PARP10: variants seen among roughly 807,000 people sequenced by gnomAD.
PARP10 encodes the protein poly(ADP-ribose) polymerase family member 10, also known as protein mono-ADP-ribosyltransferase PARP10.
Under a neutral mutation model 82.4 loss-of-function variants are expected in PARP10, and 56 were observed. The ratio of observed to expected loss-of-function variants is 0.68; its 90% CI spans 0.55 to 0.85. The LOEUF is 0.85. PARP10 is among the 40% of genes least tolerant of loss of function. PARP10 has a pLI of 0.00. For missense variants in PARP10, 1,227 were observed against 1,379.4 expected (o/e 0.89, Z 1.75); for synonymous variants, 576 against 601.1 (o/e 0.96, Z 0.61).
intron 1 of PARP10, among the ~76,000 whole-genome samples, chr8:143,998,041 A>G (rs1339183779): frequency 6.6e-6 from 1 of 151,962 alleles, no homozygotes; most frequent in Non-Finnish European, 1.5e-5. Flanking sequence ...GATCCTCCCA[A>G]CTTGGCCTCC....
At position 143,983,194 on chromosome 8, in the gene PARP10, A is replaced by G; in HGVS notation, c.2395T>C (p.Phe799Leu). ...GTAGGGCCTGAAGCTGCCAAGGGAAAGGCCAAACTCTGATCCCAGGGGCCA... is the reference window on the plus strand; with the variant it reads ...GTAGGGCCTGAAGCTGCCAAGGGAAGGGCCAAACTCTGATCCCAGGGGCCA... The part of the protein sequence containing the change: ...LAGPWDQSLA[F>L]PLAASGPTLA... The change falls in exon 8 of 11, where the codon TTT (phenylalanine) becomes CTT (leucine). Residue 799 changes from phenylalanine (F) to leucine (L), a missense_variant. Transcript: ENST00000313028. 3 of 1,613,704 alleles carry G rather than the reference A, an allele frequency of 1.9e-6. No individual in the cohort carries two copies. Among genetic ancestry groups the G allele is most frequent in the South Asian group, 1.1e-5 (1 of 91,072 alleles).
rs782191604 is a variant in PARP10 at position 143,984,934 on chromosome 8, A to G, written c.1068T>C (p.Ser356=). 2.1e-5 allele frequency: 34 copies of G among 1,613,838 alleles called. No homozygotes were observed. The highest frequency in any genetic ancestry group is 6.7e-5 in the Admixed American group (4 of 59,996). The change falls in exon 5 of 11, where the codon TCT becomes TCC. Residue 356 remains serine (S), a synonymous_variant. Transcript: ENST00000313028. The part of the protein sequence containing the change: ...AEQVSSMPMG[S]LEHEGLVSLR... ...GGCTTACCAGCCCCTCATGTTCCAG[A>G]GACCCCATGGGCATCGAGCTGACTT...
upstream of PARP10, among the ~76,000 whole-genome samples, chr8:143,988,139 C>G (rs1279011729): frequency 8.1e-6 from 1 of 123,958 alleles, no homozygotes; most frequent in Non-Finnish European, 1.7e-5. Flanking sequence ...CATGATCTCC[C>G]TTACTCTGCC....
chr8:143,987,911 A>G (rs572880467), upstream of PARP10, among the ~76,000 whole-genome samples: 2 of 151,482 alleles, frequency 1.3e-5, no homozygotes, highest in South Asian at 4.2e-4. Flanking sequence ...AAAAACCCAA[A>G]GTCCTTTTGA....
At position 143,984,026 on chromosome 8, in the gene PARP10, G is replaced by C; in HGVS notation, c.1759C>G (p.Gln587Glu). Residue 587 changes from glutamine to glutamate, a missense_variant, in exon 7 of 11, where the codon CAG becomes GAG. Coordinates refer to ENST00000313028, the MANE Select transcript of PARP10 (RefSeq NM_032789.5). ...LWTPDSTGGDQEDVSLEEVRE... is the reference protein window; with the variant it reads ...LWTPDSTGGDEEDVSLEEVRE... ...GCCCTACCCAGGCTCACGTCCTCCT[G>C]GTCACCACCTGTACTGTCTGGGGTC... 6.6e-7 allele frequency: 1 copy of C among 1,520,654 alleles called. No individual in the cohort carries two copies. The highest frequency in any genetic ancestry group is 1.3e-5 in the South Asian group (1 of 75,680). 94.2% of individuals were successfully genotyped at this position (1,520,654 alleles called of 1,614,324 possible). A position where few individuals can be genotyped will look rare whatever the true frequency, so the allele number is the denominator to read the frequency against.
At chr8:143,985,385 C>G (rs782327317) in intron 4 of PARP10, 27 bp downstream of exon 4, 1 of 1,595,696 alleles carries the variant, frequency 6.3e-7, no homozygotes, top group East Asian at 2.3e-5. Context: ...GAGGGACGGT[C>G]GGCTGGGTCT....
At chr8:143,997,364 T>C (rs567690107) in intron 1 of PARP10, among the ~76,000 whole-genome samples, 1 of 152,252 alleles carries the variant, frequency 6.6e-6, no homozygotes, top group African/African-American at 2.4e-5. Flanking sequence ...TTCCTCCCAG[T>C]CTGGCCAGCT....
chr8:143,983,192 A>G lies in PARP10; in HGVS notation c.2397T>C (p.Phe799=), dbSNP rs1377988999. Residue 799 remains phenylalanine, a synonymous_variant, in exon 8 of 11, where the codon TTT becomes TTC. Transcript: ENST00000313028. ...LAGPWDQSLA[F]PLAASGPTLA... Reference sequence around the variant, plus strand: ...AGGTAGGGCCTGAAGCTGCCAAGGGAAAGGCCAAACTCTGATCCCAGGGGC... The same window carrying G: ...AGGTAGGGCCTGAAGCTGCCAAGGGGAAGGCCAAACTCTGATCCCAGGGGC... 6.2e-7 allele frequency: 1 copy of G among 1,613,568 alleles called. No individual in the cohort carries two copies. The highest frequency in any genetic ancestry group is 8.5e-7 in the Non-Finnish European group (1 of 1,179,912).
At chr8:143,992,754 G>T, upstream of PARP10, 2 of 1,614,012 alleles carry the variant, frequency 1.2e-6, no homozygotes, top group Non-Finnish European at 1.7e-6. Flanking sequence ...GCCCAGAAGA[G>T]TATGTGTTTG....
rs781847703 is a variant in PARP10 at position 143,977,971 on chromosome 8, C to T, written c.2667G>A (p.Thr889=). ...AGATGTCAGGCACTGCCGGTGCCGTCGTGCCGTGGTACAGCACCTGCTCCA... is the reference window on the plus strand; with the variant it reads ...AGATGTCAGGCACTGCCGGTGCCGTTGTGCCGTGGTACAGCACCTGCTCCA... The part of the protein sequence containing the change: ...RPVEQVLYHG[T]TAPAVPDICA... Residue 889 remains threonine (T), a synonymous_variant, in exon 10 of 11, where the codon ACG becomes ACA. Coordinates refer to ENST00000313028, the MANE Select transcript of PARP10 (RefSeq NM_032789.5). 4.4e-6 allele frequency: 7 copies of T among 1,599,234 alleles called. No individual in the cohort carries two copies. The highest frequency in any genetic ancestry group is 5.9e-6 in the Non-Finnish European group (7 of 1,179,156).
chr8:143,994,539 C>T (rs556692253), upstream of PARP10, among the ~76,000 whole-genome samples: 8 of 152,340 alleles, frequency 5.3e-5, no homozygotes, highest in Admixed American at 5.2e-4. Context: ...ACTGGTGGCT[C>T]CAGCTGCCCT....
In PARP10 at chr8:144,011,526, T is replaced by C. The variant is rs890770856; in HGVS notation, c.-80+1004A>G. Among the ~76,000 whole-genome samples, 2 of 151,734 alleles carry C rather than the reference T, an allele frequency of 1.3e-5. No individual in the cohort carries two copies. The highest frequency in any genetic ancestry group is 4.8e-5 in the African/African-American group (2 of 41,280). Reference sequence around the variant, plus strand: ...ATCCTCTCCCTGCCCCAAAAAGAGGTTTGAGGGAGAACAGCCACAGAGCCA... The same window carrying C: ...ATCCTCTCCCTGCCCCAAAAAGAGGCTTGAGGGAGAACAGCCACAGAGCCA... On this transcript the variant is annotated intron_variant, in intron 1 of 3. Coordinates refer to the PARP10 transcript ENST00000530478. This position sits in a 1 kb window ranked among gnomAD's most constrained non-coding sequence, Gnocchi z 4.5.
rs782009156 is a variant in PARP10, at chr8:143,983,089, G to T, written c.2423-24C>A. 5 of 1,613,830 alleles carry T rather than the reference G, an allele frequency of 3.1e-6. No homozygotes were observed. In the East Asian group the frequency reaches 6.7e-5, roughly 22 times the overall value. ...CACTGATGCATGGGGAAAAGCGGGG[G>T]GTCAGAGCCATGCCTGGGGCACTAG... On this transcript the variant is annotated intron_variant, in intron 8 of 10. Transcript: ENST00000313028.
upstream of PARP10, chr8:143,993,090 C>T (rs561515810): frequency 9.1e-5 from 46 of 505,884 alleles, no homozygotes; most frequent in South Asian, 7.4e-4. Flanking sequence ...TTCCGTGCCA[C>T]CTCCTGTCTA....
At chr8:143,989,030 G>A (rs1013336336), upstream of PARP10, 28 of 152,246 alleles carry the variant, frequency 1.8e-4, no homozygotes, top group African/African-American at 6.5e-4. The surrounding 1 kb of genome is among the most constrained non-coding windows in gnomAD (Gnocchi z 4.3). Flanking sequence ...ACCAGCCCCG[G>A]TGGAGTATTC....
chr8:144,003,144 C>T (rs1834213122), intron 1 of PARP10, among the ~76,000 whole-genome samples: 2 of 152,122 alleles, frequency 1.3e-5, no homozygotes, highest in Admixed American at 6.5e-5. Flanking sequence ...ATGAAACAGC[C>T]GGGCACGGTG....
Position 143,985,845 on chromosome 8 carries a change from G to A in PARP10, c.312C>T (p.Arg104=). 1.2e-6 allele frequency: 2 copies of A among 1,610,178 alleles called. No individual in the cohort carries two copies. The highest frequency in any genetic ancestry group is 1.1e-5 in the South Asian group (1 of 90,984). Residue 104 remains arginine, a synonymous_variant, in exon 3 of 11, where the codon CGC becomes CGT. Coordinates refer to ENST00000313028, the MANE Select transcript of PARP10 (RefSeq NM_032789.5). ...GCAAGGCCTGGACATGCTGCTCCAA[G>A]CGCTGGGGCGTGGTGCCAGGGGGCA... ...QGLPPGTTPQ[R]LEQHVQALLR... is the part of the protein sequence containing the mutation.
At chr8:143,993,493 A>T (rs547418594), upstream of PARP10, 1 of 156,794 alleles carries the variant, frequency 6.4e-6, no homozygotes, top group Non-Finnish European at 1.4e-5. Flanking sequence ...GCTGATGGAG[A>T]CACAGGACCA....
chr8:143,999,351 C>T (rs1346972339), intron 1 of PARP10, among the ~76,000 whole-genome samples: 1 of 152,026 alleles, frequency 6.6e-6, no homozygotes, highest in African/African-American at 2.4e-5. Flanking sequence ...CACAGGCATG[C>T]ACCACCACCC....
Sources: allele counts gnomAD v4.1 joint callset (sites outside exome capture counted in the v4.1 genomes callset), GRCh38; gene constraint gnomAD v4.1.1; non-coding constraint Gnocchi (gnomAD v3.1); transcripts MANE v1.5; gene names NCBI Gene and HGNC (gene_info 2026-07-23, HGNC 2026-07-21).